The following ALG9 variants were observed in gnomAD, a reference collection of about 807,000 sequenced individuals.
ALG9 encodes ALG9 alpha-1,2-mannosyltransferase.
In ALG9, 55 loss-of-function variants were observed where a neutral mutation model predicts 81.8. The observed-to-expected ratio is 0.67, with a 90% CI of 0.54 to 0.84. The LOEUF is 0.84. Among genes scored for constraint, ALG9 ranks in the 40% least tolerant of loss-of-function variants. The pLI is 0.00. For missense variants in ALG9, 629 were observed against 745.0 expected, an observed-to-expected ratio of 0.84 and a Z score of 1.81; for synonymous variants, 278 against 274.3, an observed-to-expected ratio of 1.01 and a Z score of -0.13.
Position 111,809,635 on chromosome 11 carries a change from C to T in ALG9, c.1733+8G>A, listed in dbSNP as rs781973296. 1.2e-6 allele frequency: 2 copies of T among 1,613,842 alleles called. No homozygotes were observed. The highest frequency in any genetic ancestry group is 2.7e-5 in the African/African-American group (2 of 75,004). ...CCTGGAATATCCCATAGGATTAAAG[C>T]CACATACCTAGAAGCATCAAGGAAT... On this transcript the variant is annotated splice_region_variant and intron_variant, in intron 14 of 14. Transcript: ENST00000616540.
chr11:111,853,714 G>A lies in ALG9; in HGVS notation c.724C>T (p.Leu242=). Residue 242 remains leucine, a synonymous_variant, in exon 7 of 15, where the codon CTG becomes TTG. Transcript: ENST00000616540. The part of the protein sequence containing the change: ...ALGLPIAFDL[L]VMKHRWKSFF... Reference sequence around the variant, plus strand: ...CTCTTCCACCTGTGTTTCATGACCAGCAAATCAAAGGCAATGGGTAAACTA... The same window carrying A: ...CTCTTCCACCTGTGTTTCATGACCAACAAATCAAAGGCAATGGGTAAACTA... 6.2e-7 allele frequency: 1 copy of A among 1,614,102 alleles called. No homozygotes were observed. The highest frequency in any genetic ancestry group is 8.5e-7 in the Non-Finnish European group (1 of 1,179,940).
chr11:111,811,886 A>G lies in ALG9; in HGVS notation c.1603-2113T>C, dbSNP rs375669021. On this transcript the variant is annotated intron_variant, in intron 13 of 14. Coordinates refer to ENST00000616540, the MANE Select transcript of ALG9 (RefSeq NM_024740.2). ...ATGGGTATGGGTTTTTTTGGGGGGG[A>G]GGCATAATAAAAATCTTCTAAACTT... 8.0e-3 allele frequency among the ~76,000 whole-genome samples: 1,214 copies of G among 151,862 alleles called. 5 individuals are homozygous for G. Among genetic ancestry groups the G allele is most frequent in the Middle Eastern group, 0.051 (15 of 294 alleles).
At chr11:111,835,997 C>T (rs961162988) in intron 13 of ALG9, among the ~76,000 whole-genome samples, 168 bp downstream of exon 13, 7 of 152,152 alleles carry the variant, frequency 4.6e-5, no homozygotes, top group South Asian at 4.1e-4. Flanking sequence ...GCAATTATCC[C>T]GCCCGTCTCC....
Position 111,870,235 on chromosome 11 carries a change from C to A in ALG9, c.267G>T (p.Glu89Asp). 3 of 1,608,772 alleles carry A rather than the reference C, an allele frequency of 1.9e-6. No individual in the cohort carries two copies. Among genetic ancestry groups the A allele is most frequent in the Non-Finnish European group, 2.5e-6 (3 of 1,178,516 alleles). The change falls in exon 2 of 15, where the codon GAG becomes GAT. Residue 89 changes from glutamate to aspartate, a missense_variant. By Grantham distance (45) the Glu-to-Asp change is conservative (BLOSUM62 2). Transcript: ENST00000616540. ...GAAAACTAAAGAAATCACCTACTGGCTCCCAGTAGTTGAATGTTTCATCAC... is the reference window on the plus strand; with the variant it reads ...GAAAACTAAAGAAATCACCTACTGGATCCCAGTAGTTGAATGTTTCATCAC... ...SDCDETFNYW[E>D]PTHYLIYGEG...
At chr11:111,800,208 T>C (rs1555079236) in intron 14 of ALG9, among the ~76,000 whole-genome samples, 1 of 152,048 alleles carries the variant, frequency 6.6e-6, no homozygotes, top group Non-Finnish European at 1.5e-5. Context: ...AGGCCGGGTG[T>C]GGTGGCTCAC....
At position 111,871,510 on chromosome 11, in the gene ALG9, C is replaced by G; in HGVS notation, c.-28G>C. On this transcript the variant is annotated 5_prime_UTR_variant, in exon 1 of 15. Coordinates refer to ENST00000616540, the MANE Select transcript of ALG9 (RefSeq NM_024740.2). ...CAAGCCTGGGGAAAAAAGAATTCGG[C>G]ACCCTATGAAGTCGGTGAGCGCGCA... 1 of 1,535,608 alleles carries G rather than the reference C, an allele frequency of 6.5e-7. No individual in the cohort carries two copies. Among genetic ancestry groups the G allele is most frequent in the Non-Finnish European group, 8.7e-7 (1 of 1,146,366 alleles).
At chr11:111,769,768 A>T in the ALG9 span, among the ~76,000 whole-genome samples, 1 of 152,348 alleles carries the variant, frequency 6.6e-6, no homozygotes, top group East Asian at 1.9e-4. Flanking sequence ...TTGATGCTAA[A>T]CTACTTTGTT....
At chr11:111,861,716 C>T (rs1285959534) in intron 4 of ALG9, among the ~76,000 whole-genome samples, 4 of 152,132 alleles carry the variant, frequency 2.6e-5, no homozygotes, top group African/African-American at 9.7e-5. Flanking sequence ...TCAAGCAATC[C>T]TCAATGATCC....
intron 13 of ALG9, among the ~76,000 whole-genome samples, chr11:111,820,919 C>T (rs550380121): frequency 1.9e-5 from 2 of 103,054 alleles, no homozygotes; most frequent in East Asian, 7.6e-4. Context: ...CAAACACGCG[C>T]GCACACACAC....
At chr11:111,818,241 C>T (rs183744741) in intron 13 of ALG9, among the ~76,000 whole-genome samples, 2 of 152,152 alleles carry the variant, frequency 1.3e-5, no homozygotes, top group Non-Finnish European at 1.5e-5. Context: ...TACAGTCATG[C>T]GTCACTTAAC....
intron 8 of ALG9, among the ~76,000 whole-genome samples, chr11:111,850,631 C>T (rs1957616330): frequency 7.2e-6 from 1 of 139,474 alleles, no homozygotes; most frequent in Non-Finnish European, 1.5e-5. Context: ...AGCTTGAATC[C>T]GGGAGGCAGA....
intron 14 of ALG9, among the ~76,000 whole-genome samples, chr11:111,790,016 A>AG (rs1397479223): frequency 2.0e-5 from 3 of 152,034 alleles, no homozygotes; most frequent in Non-Finnish European, 4.4e-5. Flanking sequence ...TGAATAAAAG[A>AG]GAAAAAAAAA....
At chr11:111,771,368 GT>G in the ALG9 span, 1 of 152,482 alleles carries the variant, frequency 6.6e-6, no homozygotes, top group South Asian at 2.1e-4. Context: ...GGAGGCAGAT[GT>G]TGTGGTGAGC....
At chr11:111,803,665 A>G (rs1348356308) in intron 14 of ALG9, among the ~76,000 whole-genome samples, 1 of 152,166 alleles carries the variant, frequency 6.6e-6, no homozygotes, top group African/African-American at 2.4e-5. Context: ...ACATAAATAC[A>G]GTTAACTATA....
chr11:111,808,902 C>A (rs1358364090), intron 14 of ALG9, among the ~76,000 whole-genome samples: 1 of 152,162 alleles, frequency 6.6e-6, no homozygotes, highest in Non-Finnish European at 1.5e-5. Flanking sequence ...TTCTGAAGAG[C>A]GAGTCAAGCC....
chr11:111,868,867 TC>T, intron 2 of ALG9, 131 bp from the exon 3 acceptor site: 1 of 915,956 alleles, frequency 1.1e-6, no homozygotes, highest in Non-Finnish European at 1.5e-6. Context: ...ACACCTATAA[TC>T]CCAGCACTTT....
rs1444246505 is a variant in ALG9, at chr11:111,853,835, T to C, written c.702-99A>G. On this transcript the variant is annotated intron_variant, in intron 6 of 14. Coordinates refer to ENST00000616540, the MANE Select transcript of ALG9 (RefSeq NM_024740.2). ...TGCTGAACTGAGAATAAAATGCCTCTGCCAGTTATAGTGAGGGAAGAAACC... is the reference window on the plus strand; with the variant it reads ...TGCTGAACTGAGAATAAAATGCCTCCGCCAGTTATAGTGAGGGAAGAAACC... The C allele has an allele frequency of 1.5e-5, 17 of 1,126,714 alleles. 1 individual carries two copies. The African/African-American group carries it at 2.4e-4, about 16-fold the overall frequency. 69.8% of individuals were successfully genotyped at this position (1,126,714 alleles called of 1,614,324 possible).
rs781842920 is a variant in ALG9, at chr11:111,870,215, C to G, written c.270+17G>C. ...CAAAATCAAGAACAAAAAGAGAAAACTAAAGAAATCACCTACTGGCTCCCA... is the reference window on the plus strand; with the variant it reads ...CAAAATCAAGAACAAAAAGAGAAAAGTAAAGAAATCACCTACTGGCTCCCA... On this transcript the variant is annotated intron_variant, in intron 2 of 14. Transcript: ENST00000616540. The G allele has an allele frequency of 3.7e-6, 6 of 1,601,908 alleles. No homozygotes were observed. In the South Asian group the frequency reaches 5.6e-5, roughly 15 times the overall value.
chr11:111,813,190 T>C (rs1950993543), intron 13 of ALG9, among the ~76,000 whole-genome samples: 1 of 152,170 alleles, frequency 6.6e-6, no homozygotes, highest in Non-Finnish European at 1.5e-5. Flanking sequence ...TCTCGGAATA[T>C]AATATAAAAG....
Sources: gnomAD v4.1 joint callset for allele counts (sites outside exome capture counted in the v4.1 genomes callset) on GRCh38, gnomAD v4.1.1 for gene constraint, MANE v1.5 for transcripts, NCBI Gene and HGNC (gene_info 2026-07-23, HGNC 2026-07-21) for gene names.